Variants in GABRG3 observed in about 807,000 individuals in gnomAD.
GABRG3 encodes the protein gamma-aminobutyric acid receptor subunit gamma-3.
GABRG3 carries 25 observed loss-of-function variants against 48.8 expected under a neutral mutation model. That is an observed-to-expected ratio of 0.51 (90% CI 0.37 to 0.72). The LOEUF is 0.72. Among genes scored for constraint, GABRG3 ranks in the 30% least tolerant of loss-of-function variants. The pLI is 0.00. For missense variants in GABRG3, 394 were observed against 577.9 expected (o/e 0.68, Z 3.26); for synonymous variants, 227 against 217.6 (o/e 1.04, Z -0.38).
chr15:27,210,826 C>T (rs945975131), intron 3 of GABRG3, among the ~76,000 whole-genome samples: 2 of 152,174 alleles, frequency 1.3e-5, no homozygotes, highest in African/African-American at 2.4e-5. Flanking sequence ...GCTGTGTGAG[C>T]ATTTTGCTTG....
At chr15:27,229,020 T>C (rs1231370463) in intron 3 of GABRG3, among the ~76,000 whole-genome samples, 2 of 152,238 alleles carry the variant, frequency 1.3e-5, no homozygotes, top group Non-Finnish European at 2.9e-5. Flanking sequence ...AGGTTGTCTG[T>C]TTAATCTGTT....
At chr15:27,211,989 A>G (rs969490377) in intron 3 of GABRG3, among the ~76,000 whole-genome samples, 1 of 152,202 alleles carries the variant, frequency 6.6e-6, no homozygotes, top group African/African-American at 2.4e-5. Context: ...ACCCAGCTAC[A>G]GTGAAGAAGA....
chr15:27,193,716 G>A (rs4013142), intron 3 of GABRG3, among the ~76,000 whole-genome samples: 41,215 of 151,794 alleles, frequency 0.27, 6,051 homozygotes, highest in South Asian at 0.45. Flanking sequence ...TGCACGGTGC[G>A]CTGCACCCAC....
rs140679 is a variant in GABRG3 at position 27,527,530 on chromosome 15, C to T, written c.963C>T (p.Thr321=). Residue 321 remains threonine (T), a synonymous_variant, in exon 8 of 10, where the codon ACC becomes ACT. Transcript: ENST00000615808. ...TGACCGCCATGGACCTTTTTGTGAC[C>T]GTGTGCTTCCTGTTTGTCTTCGCCG... ...SYVTAMDLFV[T]VCFLFVFAAL... is the part of the protein sequence containing the mutation. 857,912 of 1,613,570 alleles carry T rather than the reference C, an allele frequency of 0.53. 231,760 individuals carry two copies. The highest frequency in any genetic ancestry group is 0.69 in the East Asian group (31,005 of 44,858).
chr15:27,263,004 T>C (rs1342309084), intron 3 of GABRG3, among the ~76,000 whole-genome samples: 2 of 152,228 alleles, frequency 1.3e-5, no homozygotes, highest in African/African-American at 4.8e-5. Context: ...CGGACTCTCA[T>C]TCCCATTGTA....
intron 3 of GABRG3, among the ~76,000 whole-genome samples, chr15:27,325,403 G>T (rs1434744378): frequency 1.3e-5 from 2 of 152,156 alleles, no homozygotes; most frequent in African/African-American, 4.8e-5. Flanking sequence ...AGCCATGAGA[G>T]GCTTCTGGAA....
intron 2 of GABRG3, among the ~76,000 whole-genome samples, chr15:27,013,261 G>A (rs373731210): frequency 3.9e-4 from 59 of 152,098 alleles, no homozygotes; most frequent in African/African-American, 1.3e-3. Context: ...TGTTTTTCAA[G>A]GCTGAACAAT....
intron 3 of GABRG3, among the ~76,000 whole-genome samples, chr15:27,104,959 A>C (rs1416846401): frequency 6.6e-6 from 1 of 152,222 alleles, no homozygotes; most frequent in Non-Finnish European, 1.5e-5. Flanking sequence ...AAAATACACC[A>C]ATCAAAAAGT....
At chr15:27,161,387 T>G (rs1238569916) in intron 3 of GABRG3, 3 of 152,124 alleles carry the variant, frequency 2.0e-5, no homozygotes, top group Non-Finnish European at 4.4e-5. Flanking sequence ...GCCCCCCAAG[T>G]TCCATGGGGG....
At chr15:27,118,614 C>T (rs1449785853) in intron 3 of GABRG3, among the ~76,000 whole-genome samples, 2 of 152,162 alleles carry the variant, frequency 1.3e-5, no homozygotes, top group African/African-American at 2.4e-5. Context: ...GTAGACCACA[C>T]TGGTGCAGTC....
chr15:27,397,117 C>T (rs2140582477), intron 5 of GABRG3, among the ~76,000 whole-genome samples: 1 of 152,140 alleles, frequency 6.6e-6, no homozygotes, highest in East Asian at 1.9e-4. Context: ...AGTGTAAGCA[C>T]AAAGATGAAG....
intron 3 of GABRG3, among the ~76,000 whole-genome samples, chr15:27,047,214 C>T (rs1436004462): frequency 6.6e-6 from 1 of 152,142 alleles, no homozygotes; most frequent in African/African-American, 2.4e-5. Flanking sequence ...CCGAGACTTC[C>T]CAGTCTTACA....
rs189302916 is a variant in GABRG3 at position 27,483,957 on chromosome 15, G to A, written c.712+3170G>A. 3.0e-4 allele frequency among the ~76,000 whole-genome samples: 46 copies of A among 151,744 alleles called. No individual in the cohort carries two copies. In the East Asian group the frequency reaches 7.9e-3, roughly 26 times the overall value. ...TACTTTTTTTTCTTTTTTTTGAGAC[G>A]GAGTTTCACTCTTGCTACCCACGCT... On this transcript the variant is annotated intron_variant, in intron 6 of 9. Coordinates refer to ENST00000615808, the MANE Select transcript of GABRG3 (RefSeq NM_033223.5).
At chr15:27,355,253 T>C (rs1423375630) in intron 5 of GABRG3, among the ~76,000 whole-genome samples, 5 of 152,266 alleles carry the variant, frequency 3.3e-5, no homozygotes, top group African/African-American at 1.2e-4. Context: ...AGAGGGAGAA[T>C]TAAAGCATGT....
chr15:27,107,662 T>A (rs1256277039), intron 3 of GABRG3, among the ~76,000 whole-genome samples: 1 of 152,008 alleles, frequency 6.6e-6, no homozygotes, highest in Non-Finnish European at 1.5e-5. Flanking sequence ...AGTGAAATAA[T>A]CTGGGCTTTG....
At chr15:27,491,077 G>T (rs191746222) in intron 6 of GABRG3, among the ~76,000 whole-genome samples, 1 of 152,224 alleles carries the variant, frequency 6.6e-6, no homozygotes, top group South Asian at 2.1e-4. Context: ...GAATGCAGTC[G>T]TTTTGCAAGC....
At chr15:27,328,060 T>G (rs1437031785) in intron 4 of GABRG3, among the ~76,000 whole-genome samples, 2 of 151,836 alleles carry the variant, frequency 1.3e-5, no homozygotes, top group African/African-American at 4.8e-5. Flanking sequence ...GCATTAAAGT[T>G]TCAGGGAAAT....
intron 3 of GABRG3, among the ~76,000 whole-genome samples, chr15:27,198,365 C>T (rs1888567034): frequency 6.6e-6 from 1 of 152,188 alleles, no homozygotes; most frequent in Non-Finnish European, 1.5e-5. Flanking sequence ...CAAAAGAAGA[C>T]ATTTGTGTGG....
At chr15:27,125,866 C>G (rs1451718024) in intron 3 of GABRG3, among the ~76,000 whole-genome samples, 1 of 152,200 alleles carries the variant, frequency 6.6e-6, no homozygotes, top group East Asian at 1.9e-4. Context: ...GGGACTATTG[C>G]AAACACCAAA....
Sources: gnomAD v4.1 joint callset for allele counts (sites outside exome capture counted in the v4.1 genomes callset) on GRCh38, gnomAD v4.1.1 for gene constraint, MANE v1.5 for transcripts, NCBI Gene and HGNC (gene_info 2026-07-23, HGNC 2026-07-21) for gene names.